The following AKAP7 variants were observed in gnomAD, a reference collection of about 807,000 sequenced individuals.
The protein encoded by AKAP7 is A-kinase anchoring protein 7.
AKAP7 carries 39 observed loss-of-function variants against 39.5 expected under a neutral mutation model. The observed-to-expected ratio is 0.99, with a 90% CI of 0.76 to 1.29. The LOEUF is 1.29. Among genes scored for constraint, AKAP7 ranks in the 50% most tolerant of loss-of-function variants. The probability of loss-of-function intolerance (pLI) is 0.00; values close to 1 mark genes in which losing one functional copy is unlikely to be tolerated. For synonymous variants in AKAP7, 140 were observed against 139.1 expected (o/e 1.01, Z -0.05); for missense variants, 414 against 407.7 (o/e 1.02, Z -0.13).
At chr6:131,152,688 A>G (rs951846815) in intron 2 of AKAP7, among the ~76,000 whole-genome samples, 1 of 151,914 alleles carries the variant, frequency 6.6e-6, no homozygotes, top group African/African-American at 2.4e-5. Context: ...TTAGCTGGGC[A>G]AGGTGGTACA....
chr6:131,212,569 C>T (rs749884898), intron 6 of AKAP7, among the ~76,000 whole-genome samples: 7 of 152,160 alleles, frequency 4.6e-5, no homozygotes, highest in African/African-American at 9.7e-5. Flanking sequence ...CAATGTAAAT[C>T]GCAATGCCAC....
intron 5 of AKAP7, among the ~76,000 whole-genome samples, chr6:131,193,237 T>C (rs1484681176): frequency 6.6e-6 from 1 of 152,182 alleles, no homozygotes; most frequent in Non-Finnish European, 1.5e-5. Context: ...GCTTTTATTA[T>C]GTTGAAGTAT....
chr6:131,254,204 G>T (rs1812671715), intron 7 of AKAP7, among the ~76,000 whole-genome samples: 2 of 152,228 alleles, frequency 1.3e-5, no homozygotes, highest in South Asian at 4.1e-4. Flanking sequence ...TCTTTCTCTT[G>T]CTCTACGGGA....
intron 7 of AKAP7, among the ~76,000 whole-genome samples, chr6:131,234,755 T>A (rs1043351062): frequency 1.3e-5 from 2 of 151,914 alleles, no homozygotes; most frequent in East Asian, 1.9e-4. Context: ...CTTTTTTTTT[T>A]AATGATACAA....
At chr6:131,200,626 T>C (rs1257231373) in intron 6 of AKAP7, among the ~76,000 whole-genome samples, 1 of 152,222 alleles carries the variant, frequency 6.6e-6, no homozygotes, top group African/African-American at 2.4e-5. Flanking sequence ...CTACAAACTA[T>C]TGCTGAAAAT....
intron 2 of AKAP7, among the ~76,000 whole-genome samples, chr6:131,157,434 G>T (rs1802519424): frequency 6.6e-6 from 1 of 152,178 alleles, no homozygotes; most frequent in Non-Finnish European, 1.5e-5. Context: ...ACAGTAGGTG[G>T]TGGTGGGCTA....
intron 4 of AKAP7, among the ~76,000 whole-genome samples, chr6:131,168,490 A>C (rs1803716708): frequency 1.3e-5 from 2 of 152,094 alleles, no homozygotes; most frequent in African/African-American, 2.4e-5. Flanking sequence ...GAAGAAGGAA[A>C]GATATCGCAC....
chr6:131,184,683 G>A lies in AKAP7; in HGVS notation c.590-14778G>A, dbSNP rs148305826. 5.9e-5 allele frequency: 46 copies of A among 778,976 alleles called. 2 individuals carry two copies. The Middle Eastern group carries it at 1.6e-3, about 27-fold the overall frequency. 48.3% of individuals were successfully genotyped at this position (778,976 alleles called of 1,614,324 possible). Reference sequence around the variant, plus strand: ...TTGAGTTCCCCAGGCAGAAGTTACAGTAGTTGTTGGGCAAGGCAAATCCAT... The same window carrying A: ...TTGAGTTCCCCAGGCAGAAGTTACAATAGTTGTTGGGCAAGGCAAATCCAT... On this transcript the variant is annotated intron_variant, in intron 5 of 7. Coordinates refer to ENST00000431975, the MANE Select transcript of AKAP7 (RefSeq NM_016377.4).
chr6:131,164,192 C>CT (rs1803251172), intron 3 of AKAP7: 2 of 317,976 alleles, frequency 6.3e-6, no homozygotes, highest in East Asian at 8.2e-5. Context: ...CACTCTTTCC[C>CT]TTTTTTTCTA....
chr6:131,183,391 G>A (rs1805479177), intron 5 of AKAP7, among the ~76,000 whole-genome samples: 3 of 152,162 alleles, frequency 2.0e-5, no homozygotes, highest in African/African-American at 4.8e-5. Context: ...CAGGGCAGGT[G>A]GCAAGGCTCC....
Position 131,266,245 on chromosome 6 carries a change from G to A in AKAP7, c.851-15285G>A, listed in dbSNP as rs545052873. ...TAATCTTGCCTTTAGGGTGGCCTGT[G>A]GGGGAAGCCCAGCATGCTAGTGACT... On this transcript the variant is annotated intron_variant, in intron 7 of 7. Transcript: ENST00000431975. 1.5e-3 allele frequency among the ~76,000 whole-genome samples: 236 copies of A among 152,270 alleles called. 1 individual carries two copies. Among genetic ancestry groups the A allele is most frequent in the Non-Finnish European group, 2.9e-3 (199 of 68,008 alleles).
chr6:131,226,006 T>A (rs1330106913), intron 7 of AKAP7, among the ~76,000 whole-genome samples: 1 of 152,210 alleles, frequency 6.6e-6, no homozygotes, highest in African/African-American at 2.4e-5. Flanking sequence ...AAATCTGGAT[T>A]TCCACCTTCT....
At chr6:131,203,289 C>T (rs767533052) in intron 6 of AKAP7, among the ~76,000 whole-genome samples, 6 of 152,046 alleles carry the variant, frequency 3.9e-5, no homozygotes, top group African/African-American at 1.2e-4. Context: ...TTTCTTCTCT[C>T]GGCACTAATT....
chr6:131,135,590 T>G lies in AKAP7; in HGVS notation c.-174T>G, dbSNP rs1800463434. ...GCTCCGCGCTTCCGCAGGCCTGGCCTCCGCCGCCCGGGCCCCCGCAGCCTG... is the reference window on the plus strand; with the variant it reads ...GCTCCGCGCTTCCGCAGGCCTGGCCGCCGCCGCCCGGGCCCCCGCAGCCTG... On this transcript the variant is annotated 5_prime_UTR_variant, in exon 1 of 8. Transcript: ENST00000431975. 2.0e-5 allele frequency: 9 copies of G among 444,154 alleles called. No homozygotes were observed. The South Asian group carries it at 7.9e-4, about 39-fold the overall frequency. The allele number at this position is 444,154 out of a possible 1,614,324, so 27.5% of individuals were successfully genotyped here. A position where few individuals can be genotyped will look rare whatever the true frequency, so the allele number is the denominator to read the frequency against.
At chr6:131,154,775 A>G (rs1009820999) in intron 2 of AKAP7, among the ~76,000 whole-genome samples, 2 of 152,192 alleles carry the variant, frequency 1.3e-5, no homozygotes, top group Non-Finnish European at 2.9e-5. Context: ...TATTTGAATT[A>G]GTTACCAAAA....
At chr6:131,140,419 A>G (rs1193538780) in intron 1 of AKAP7, among the ~76,000 whole-genome samples, 1 of 152,230 alleles carries the variant, frequency 6.6e-6, no homozygotes, top group Non-Finnish European at 1.5e-5. Flanking sequence ...GGAGAAACCA[A>G]AAGTTAAGCG....
the AKAP7 span, among the ~76,000 whole-genome samples, chr6:131,127,713 G>A: frequency 6.6e-6 from 1 of 152,150 alleles, no homozygotes; most frequent in Non-Finnish European, 1.5e-5. Flanking sequence ...CTACCAGAAA[G>A]ACATGCACAC....
intron 2 of AKAP7, among the ~76,000 whole-genome samples, chr6:131,149,568 G>C (rs1439397004): frequency 6.6e-6 from 1 of 152,244 alleles, no homozygotes; most frequent in Non-Finnish European, 1.5e-5. Context: ...CTGGTAGGCA[G>C]AGGTTGCAGT....
At chr6:131,264,666 C>A (rs528170041) in intron 7 of AKAP7, among the ~76,000 whole-genome samples, 1 of 152,244 alleles carries the variant, frequency 6.6e-6, no homozygotes, top group African/African-American at 2.4e-5. Context: ...TATGTTAGGC[C>A]ATTTTTGTGT....
Sources: gnomAD v4.1 joint callset for allele counts (sites outside exome capture counted in the v4.1 genomes callset) on GRCh38, gnomAD v4.1.1 for gene constraint, MANE v1.5 for transcripts, NCBI Gene and HGNC (gene_info 2026-07-23, HGNC 2026-07-21) for gene names.